The following PITPNM3 variants were observed in gnomAD, a reference collection of about 807,000 sequenced individuals.
The protein encoded by PITPNM3 is membrane-associated phosphatidylinositol transfer protein 3.
In PITPNM3, 26 loss-of-function variants were observed where a neutral mutation model predicts 102.0. The ratio of observed to expected loss-of-function variants is 0.25; its 90% CI spans 0.19 to 0.35. The LOEUF (loss-of-function observed/expected upper bound fraction) is 0.35, where lower values mean the gene tolerates loss of function less well. PITPNM3 is among the 10% of genes least tolerant of loss of function. The pLI, the probability that PITPNM3 is intolerant of heterozygous loss-of-function variation, is 1.00. For synonymous variants in PITPNM3, 578 were observed against 558.6 expected, an observed-to-expected ratio of 1.03 and a Z score of -0.49; for missense variants, 1,083 against 1,346.1, an observed-to-expected ratio of 0.80 and a Z score of 3.06.
intron 3 of PITPNM3, among the ~76,000 whole-genome samples, chr17:6,519,046 A>G (rs1453556281): frequency 6.6e-6 from 1 of 152,154 alleles, no homozygotes; most frequent in African/African-American, 2.4e-5. Flanking sequence ...TATAACTGTT[A>G]AGATTTGTAG....
At chr17:6,511,402 T>C (rs542657682) in intron 3 of PITPNM3, among the ~76,000 whole-genome samples, 24 of 152,352 alleles carry the variant, frequency 1.6e-4, no homozygotes, top group Admixed American at 1.0e-3. Flanking sequence ...TAATCTTTAG[T>C]AGCACTGTAA....
rs764751089 is a variant in PITPNM3 at position 6,471,361 on chromosome 17, G to C, written c.1430-6C>G. ...GTGGGTGTGTAGGGCATCAGCTGGA[G>C]GGGGAATTTCAAGGTCAGGCTGAGT... On this transcript the variant is annotated splice_region_variant and splice_polypyrimidine_tract_variant and intron_variant, in intron 11 of 19. Transcript: ENST00000262483. 7.0e-6 allele frequency: 11 copies of C among 1,580,054 alleles called. No individual in the cohort carries two copies. Among genetic ancestry groups the C allele is most frequent in the South Asian group, 2.3e-5 (2 of 88,628 alleles).
At chr17:6,518,504 C>T (rs888894780) in intron 3 of PITPNM3, among the ~76,000 whole-genome samples, 11 of 149,482 alleles carry the variant, frequency 7.4e-5, no homozygotes, top group East Asian at 3.9e-4. Context: ...GGGAACAGTG[C>T]GTGTGTCATT....
intron 1 of PITPNM3, among the ~76,000 whole-genome samples, chr17:6,544,044 T>C (rs1026883662): frequency 6.6e-6 from 1 of 152,196 alleles, no homozygotes; most frequent in South Asian, 2.1e-4. Flanking sequence ...AGATAACACG[T>C]GCAATTTCCA....
At chr17:6,539,844 T>C (rs1909639668) in intron 1 of PITPNM3, among the ~76,000 whole-genome samples, 1 of 152,226 alleles carries the variant, frequency 6.6e-6, no homozygotes, top group Non-Finnish European at 1.5e-5. Flanking sequence ...AGAATTTGGA[T>C]AGTCAGCAAA....
In PITPNM3 at chr17:6,457,651, A is replaced by C. The variant is rs761440896; in HGVS notation, c.2562T>G (p.Pro854=). 1 of 1,611,224 alleles carries C rather than the reference A, an allele frequency of 6.2e-7. No individual in the cohort carries two copies. Among genetic ancestry groups the C allele is most frequent in the South Asian group, 1.1e-5 (1 of 90,440 alleles). ...GGCCCACAATGAAGATCTGGGAGGCAGGCAGGCCCAGCACGCTGTAGACAG... is the reference window on the plus strand; with the variant it reads ...GGCCCACAATGAAGATCTGGGAGGCCGGCAGGCCCAGCACGCTGTAGACAG... ...DISVYSVLGL[P]ASQIFIVGRP... The change falls in exon 19 of 20, where the codon CCT becomes CCG. Residue 854 remains proline, a synonymous_variant. Transcript: ENST00000262483. The surrounding 1 kb of genome is among the most constrained non-coding windows in gnomAD (Gnocchi z 4.7).
intron 4 of PITPNM3, among the ~76,000 whole-genome samples, chr17:6,489,314 T>C (rs931310851): frequency 6.6e-6 from 1 of 152,042 alleles, no homozygotes; most frequent in Non-Finnish European, 1.5e-5. Context: ...TCCTCCATCC[T>C]TGGCAGTCAC....
rs2041865734 is a variant in PITPNM3, at chr17:6,537,185, T to G, written c.118+802A>C. ...TTCCCCACCCTCCTTGTCCCTCACC[T>G]GAACACTGGCAACAGTCTTTCTAAC... On this transcript the variant is annotated intron_variant, in intron 2 of 19. Coordinates refer to ENST00000262483, the MANE Select transcript of PITPNM3 (RefSeq NM_031220.4). This position sits in a 1 kb window ranked among gnomAD's most constrained non-coding sequence, Gnocchi z 4.4. Among the ~76,000 whole-genome samples, 1 of 151,988 alleles carries G rather than the reference T, an allele frequency of 6.6e-6. No homozygotes were observed. The highest frequency in any genetic ancestry group is 6.6e-5 in the Admixed American group (1 of 15,250).
At chr17:6,471,533 T>TGAA (rs1253770706) in intron 11 of PITPNM3, among the ~76,000 whole-genome samples, 178 bp from the exon 12 acceptor site, 1 of 152,196 alleles carries the variant, frequency 6.6e-6, no homozygotes, top group African/African-American at 2.4e-5. Context: ...ACCAGTCCCC[T>TGAA]GGGCCTGAAG....
At position 6,468,260 on chromosome 17, in the gene PITPNM3, T is replaced by G; in HGVS notation, c.1855A>C (p.Lys619Gln). ...ACCTGAGTCCGCTTACGAAGCCACT[T>G]CTCCCGGGGGTTGGCAGGACTCAGT... The part of the protein sequence containing the change: ...AALSPANPRE[K>Q]WLRKRTQVKL... Residue 619 changes from lysine (K) to glutamine (Q), a missense_variant, in exon 14 of 20, where the codon AAG becomes CAG. Physicochemically the swap from Lys to Gln is moderately conservative, Grantham distance 53 (BLOSUM62 1). Coordinates refer to ENST00000262483, the MANE Select transcript of PITPNM3 (RefSeq NM_031220.4). The surrounding 1 kb of genome is among the most constrained non-coding windows in gnomAD (Gnocchi z 5.2). The G allele has an allele frequency of 6.2e-7, 1 of 1,613,680 alleles. No homozygotes were observed. The highest frequency in any genetic ancestry group is 8.5e-7 in the Non-Finnish European group (1 of 1,180,012).
At chr17:6,503,762 C>T (rs114817498) in intron 3 of PITPNM3, among the ~76,000 whole-genome samples, 188 bp from the exon 4 acceptor site, 1,699 of 152,278 alleles carry the variant, frequency 0.011, 27 homozygotes, top group African/African-American at 0.038. Context: ...TCATGCCACA[C>T]CTGATGCCAT....
intron 1 of PITPNM3, among the ~76,000 whole-genome samples, chr17:6,547,742 TC>T (rs1236521956): frequency 2.7e-5 from 4 of 147,830 alleles, no homozygotes; most frequent in Non-Finnish European, 5.9e-5. Flanking sequence ...TCTTTTCTTT[TC>T]TTTTTTTTTT....
At chr17:6,480,096 C>G (rs369091740) in intron 6 of PITPNM3, 19 of 152,204 alleles carry the variant, frequency 1.2e-4, no homozygotes, top group African/African-American at 4.3e-4. Context: ...GAGCAGGTGT[C>G]AAAGATGCAG....
At chr17:6,482,185 C>A (rs969237302) in intron 6 of PITPNM3, among the ~76,000 whole-genome samples, 2 of 151,924 alleles carry the variant, frequency 1.3e-5, no homozygotes, top group African/African-American at 4.8e-5. Flanking sequence ...AGGAGTCCTG[C>A]CCCATACCCA....
At chr17:6,525,524 G>C in intron 2 of PITPNM3, 61 bp from the exon 3 acceptor site, 1 of 1,246,580 alleles carries the variant, frequency 8.0e-7, no homozygotes, top group Non-Finnish European at 1.2e-6. Flanking sequence ...AGCCCTATCA[G>C]GAGCTTATGT....
At chr17:6,551,748 T>A (rs55876012) in intron 1 of PITPNM3, among the ~76,000 whole-genome samples, 73,322 of 151,736 alleles carry the variant, frequency 0.48, 18,030 homozygotes, top group East Asian at 0.71. Context: ...TTTTTTTTTT[T>A]AATCTGCGCT....
Position 6,556,415 on chromosome 17 carries a change from C to T in PITPNM3, c.-9G>A. The T allele has an allele frequency of 3.9e-6, 5 of 1,281,658 alleles. No individual in the cohort carries two copies. Among genetic ancestry groups the T allele is most frequent in the Non-Finnish European group, 4.9e-6 (5 of 1,014,204 alleles). The allele number at this position is 1,281,658 out of a possible 1,614,324, so 79.4% of individuals were successfully genotyped here. ...CGGCCCGCCTTGGCCATGTCCCGGGCGGCGGGCTCCGGCGGCGCTACGCGC... is the reference window on the plus strand; with the variant it reads ...CGGCCCGCCTTGGCCATGTCCCGGGTGGCGGGCTCCGGCGGCGCTACGCGC... On this transcript the variant is annotated 5_prime_UTR_variant, in exon 1 of 20. Coordinates refer to ENST00000262483, the MANE Select transcript of PITPNM3 (RefSeq NM_031220.4). The surrounding 1 kb of genome is among the most constrained non-coding windows in gnomAD (Gnocchi z 5.2).
At chr17:6,456,887 CT>C (rs1316916806) in intron 19 of PITPNM3, among the ~76,000 whole-genome samples, 1 of 152,176 alleles carries the variant, frequency 6.6e-6, no homozygotes, top group African/African-American at 2.4e-5. Context: ...AATCCATCCC[CT>C]ACCAAAAAAT....
intron 1 of PITPNM3, among the ~76,000 whole-genome samples, chr17:6,548,343 C>T (rs1352409138): frequency 6.6e-6 from 1 of 152,154 alleles, no homozygotes; most frequent in African/African-American, 2.4e-5. Flanking sequence ...CCAGATTATA[C>T]TATATAAGAA....
Sources: allele counts gnomAD v4.1 joint callset (sites outside exome capture counted in the v4.1 genomes callset), GRCh38; gene constraint gnomAD v4.1.1; non-coding constraint Gnocchi (gnomAD v3.1); transcripts MANE v1.5; gene names NCBI Gene and HGNC (gene_info 2026-07-23, HGNC 2026-07-21).